GRM8: variants seen among roughly 807,000 people sequenced by gnomAD.
The protein encoded by GRM8 is glutamate metabotropic receptor 8.
Under a neutral mutation model 87.2 loss-of-function variants are expected in GRM8, and 47 were observed. The ratio of observed to expected loss-of-function variants is 0.54; its 90% CI spans 0.43 to 0.69. GRM8 has a LOEUF of 0.69. Among genes scored for constraint, GRM8 ranks in the 30% least tolerant of loss-of-function variants. The pLI is 0.00. For synonymous variants in GRM8, 396 were observed against 404.5 expected (o/e 0.98, Z 0.25); for missense variants, 1,019 against 1,139.2 (o/e 0.89, Z 1.52).
chr7:126,742,270 C>T (rs1398692858), intron 7 of GRM8, among the ~76,000 whole-genome samples: 3 of 151,800 alleles, frequency 2.0e-5, no homozygotes, highest in African/African-American at 7.3e-5. Flanking sequence ...AATGTTTAAA[C>T]CTTATTCTCA....
intron 3 of GRM8, among the ~76,000 whole-genome samples, chr7:127,076,548 C>G (rs989333785): frequency 6.6e-6 from 1 of 151,994 alleles, no homozygotes; most frequent in African/African-American, 2.4e-5. Context: ...TCTTTTATTC[C>G]TAAGTTTCCT....
chr7:126,781,920 T>A (rs1408906857), intron 6 of GRM8, among the ~76,000 whole-genome samples: 1 of 152,082 alleles, frequency 6.6e-6, no homozygotes, highest in Admixed American at 6.6e-5. Flanking sequence ...CTCCTCATAT[T>A]TCCCAGGCTG....
At chr7:126,960,390 A>T (rs1297030507) in intron 3 of GRM8, among the ~76,000 whole-genome samples, 1 of 152,210 alleles carries the variant, frequency 6.6e-6, no homozygotes, top group African/African-American at 2.4e-5. Context: ...TTTTGAAACT[A>T]TGCAGAAAAC....
chr7:126,896,310 G>A (rs537385533), intron 6 of GRM8, among the ~76,000 whole-genome samples: 1 of 152,024 alleles, frequency 6.6e-6, no homozygotes, highest in Non-Finnish European at 1.5e-5. Flanking sequence ...CGAAGAACAA[G>A]AGCATATGGA....
At chr7:126,914,751 G>A (rs1313104102) in intron 3 of GRM8, among the ~76,000 whole-genome samples, 1 of 152,100 alleles carries the variant, frequency 6.6e-6, no homozygotes, top group Non-Finnish European at 1.5e-5. Flanking sequence ...GGGAACAATA[G>A]ACACTGGAAA....
intron 7 of GRM8, among the ~76,000 whole-genome samples, chr7:126,666,742 T>C (rs1163141457): frequency 6.6e-6 from 1 of 152,138 alleles, no homozygotes. Context: ...CAATCCCTTA[T>C]CTGCAGTTTT....
intron 9 of GRM8, among the ~76,000 whole-genome samples, chr7:126,467,945 C>A (rs1431265500): frequency 6.6e-6 from 1 of 151,992 alleles, no homozygotes; most frequent in Non-Finnish European, 1.5e-5. Context: ...TTTTTTAAAT[C>A]ATTTTCCAGC....
Position 126,544,484 on chromosome 7 carries a change from A to G in GRM8, c.1495-10597T>C, listed in dbSNP as rs1232131387. On this transcript the variant is annotated intron_variant, in intron 8 of 10. Transcript: ENST00000339582. ...CACAAGGATGTTTGGAAGACCTAAC[A>G]AATTAATATTTTGAAAGTTTATTTA... 9.2e-5 allele frequency among the ~76,000 whole-genome samples: 14 copies of G among 152,066 alleles called. 1 individual carries two copies. The highest frequency in any genetic ancestry group is 2.1e-4 in the Non-Finnish European group (14 of 68,022).
Position 126,609,448 on chromosome 7 carries a change from G to C in GRM8, c.1408C>G (p.Arg470Gly). Residue 470 changes from arginine to glycine, a missense_variant, in exon 8 of 11, where the codon CGT becomes GGT. Transcript: ENST00000339582. ...ATTTGATACTGGAAGATATCATAAC[G>C]TCCAGGAGCATCTCCGTTTTCATTA... is the stretch of plus-strand genomic sequence containing the variant. ...TFNENGDAPG[R>G]YDIFQYQITN... 1.2e-6 allele frequency: 2 copies of C among 1,609,520 alleles called. No homozygotes were observed. Among genetic ancestry groups the C allele is most frequent in the Non-Finnish European group, 8.5e-7 (1 of 1,175,820 alleles).
At chr7:126,720,287 A>G (rs1170689101) in intron 7 of GRM8, among the ~76,000 whole-genome samples, 1 of 151,848 alleles carries the variant, frequency 6.6e-6, no homozygotes, top group Non-Finnish European at 1.5e-5. Flanking sequence ...GACTACAGGC[A>G]TGTGCCACCA....
At chr7:126,800,283 A>G (rs1024064141) in intron 6 of GRM8, among the ~76,000 whole-genome samples, 9 of 152,100 alleles carry the variant, frequency 5.9e-5, no homozygotes, top group African/African-American at 2.2e-4. Flanking sequence ...TCTATCATTC[A>G]TCAAAGTGTC....
At chr7:126,792,665 C>T (rs1433737266) in intron 6 of GRM8, among the ~76,000 whole-genome samples, 2 of 152,156 alleles carry the variant, frequency 1.3e-5, no homozygotes, top group Non-Finnish European at 2.9e-5. Flanking sequence ...AAAATAAAGC[C>T]ATTGTTTTTC....
intron 2 of GRM8, among the ~76,000 whole-genome samples, chr7:127,207,208 G>A (rs1268264165): frequency 6.6e-6 from 1 of 152,080 alleles, no homozygotes; most frequent in African/African-American, 2.4e-5. Context: ...TTATTAAATT[G>A]CTGATTATGT....
At chr7:127,232,212 TGAGAGAGAGA>T (rs71177600) in intron 2 of GRM8, among the ~76,000 whole-genome samples, 7 of 143,562 alleles carry the variant, frequency 4.9e-5, no homozygotes, top group African/African-American at 8.0e-5. Flanking sequence ...TGTGTGTGTG[TGAGAGAGAGA>T]GAGAGAGAGA....
rs10276831 is a variant in GRM8 at position 127,240,115 on chromosome 7, A to G, written c.510+2580T>C. 6.1e-3 allele frequency among the ~76,000 whole-genome samples: 931 copies of G among 152,158 alleles called. 6 individuals are homozygous for G. Among genetic ancestry groups the G allele is most frequent in the Middle Eastern group, 0.024 (7 of 294 alleles). On this transcript the variant is annotated intron_variant, in intron 2 of 10. Coordinates refer to ENST00000339582, the MANE Select transcript of GRM8 (RefSeq NM_000845.3). ...CTCAAGAGATGGCCTGGGGCATTGG[A>G]CTCTGCCCAGAGAGTCAGTAGTAAC... is the stretch of plus-strand genomic sequence containing the variant.
At chr7:126,831,737 G>A (rs10271701) in intron 6 of GRM8, among the ~76,000 whole-genome samples, 3,208 of 152,150 alleles carry the variant, frequency 0.021, 111 homozygotes, top group African/African-American at 0.07. Flanking sequence ...AGATGAACCC[G>A]GTACCTCAGA....
intron 2 of GRM8, among the ~76,000 whole-genome samples, chr7:127,113,863 A>T (rs1386739609): frequency 1.3e-5 from 2 of 152,228 alleles, no homozygotes; most frequent in African/African-American, 2.4e-5. Flanking sequence ...GCAAAACATC[A>T]GTATATAATC....
chr7:127,174,558 G>T (rs1037252844), intron 2 of GRM8, among the ~76,000 whole-genome samples: 11 of 152,182 alleles, frequency 7.2e-5, no homozygotes, highest in African/African-American at 2.4e-4. Context: ...TCAATAAATT[G>T]TATTAATATT....
intron 8 of GRM8, among the ~76,000 whole-genome samples, chr7:126,597,547 CTTG>C (rs1797322295): frequency 6.6e-6 from 1 of 152,044 alleles, no homozygotes; most frequent in East Asian, 1.9e-4. Context: ...ATTTATTCTA[CTTG>C]TTATGTTAAA....
Sources: allele counts gnomAD v4.1 joint callset (sites outside exome capture counted in the v4.1 genomes callset), GRCh38; gene constraint gnomAD v4.1.1; transcripts MANE v1.5; gene names NCBI Gene and HGNC (gene_info 2026-07-23, HGNC 2026-07-21).